The following CEP78 variants were observed in gnomAD, a reference collection of about 807,000 sequenced individuals.
The protein encoded by CEP78 is centrosomal protein 78.
A neutral mutation model predicts 81.2 loss-of-function variants in CEP78; 76 were observed. The observed-to-expected ratio is 0.94, with a 90% CI of 0.78 to 1.13. The LOEUF (loss-of-function observed/expected upper bound fraction) is 1.13, where lower values mean the gene tolerates loss of function less well. Ranked by LOEUF, CEP78 falls within the 50% of genes most tolerant of loss-of-function variation. The pLI, the probability that CEP78 is intolerant of heterozygous loss-of-function variation, is 0.00. For missense variants in CEP78, 918 were observed against 846.8 expected, an observed-to-expected ratio of 1.08 and a Z score of -1.04; for synonymous variants, 293 against 301.4, an observed-to-expected ratio of 0.97 and a Z score of 0.29.
In CEP78 at chr9:78,248,999, G is replaced by A. The variant is rs187555935; in HGVS notation, c.1069+126G>A. 1.5e-4 allele frequency: 66 copies of A among 425,954 alleles called. 2 individuals carry two copies. In the Admixed American group the frequency reaches 2.4e-3, roughly 16 times the overall value. The allele number at this position is 425,954 out of a possible 1,614,324, so 26.4% of individuals were successfully genotyped here. On this transcript the variant is annotated intron_variant, in intron 8 of 16. Coordinates refer to ENST00000643273, the MANE Select transcript of CEP78 (RefSeq NM_001330691.3). ...TGACTCCGTGCATATTATGAGGTCTGTAATTGTTCTGATAAGATTATGAGA... is the reference window on the plus strand; with the variant it reads ...TGACTCCGTGCATATTATGAGGTCTATAATTGTTCTGATAAGATTATGAGA...
intron 8 of CEP78, among the ~76,000 whole-genome samples, chr9:78,251,475 A>G (rs1049955244): frequency 6.6e-6 from 1 of 152,164 alleles, no homozygotes. Context: ...GGGTGTATCT[A>G]TGTTCTGTCC....
Position 78,239,972 on chromosome 9 carries a change from A to AT in CEP78, c.254-50dup, listed in dbSNP as rs1157495117. 12 of 1,430,636 alleles carry AT rather than the reference A, an allele frequency of 8.4e-6. No homozygotes were observed. The Admixed American group carries it at 3.3e-4, about 39-fold the overall frequency. 88.6% of individuals were successfully genotyped at this position (1,430,636 alleles called of 1,614,324 possible). A position where few individuals can be genotyped will look rare whatever the true frequency, so the allele number is the denominator to read the frequency against. ...CTTAGCACAGAGCAGATGTTTTTGA[A>AT]TGATACATTGTATGATTGAAGTCAC... On this transcript the variant is annotated intron_variant, in intron 1 of 16. Transcript: ENST00000643273.
chr9:78,242,716 GA>G (rs1257937705), intron 4 of CEP78, among the ~76,000 whole-genome samples: 2 of 152,086 alleles, frequency 1.3e-5, no homozygotes, highest in Non-Finnish European at 2.9e-5. Flanking sequence ...AATGTAATGA[GA>G]TTTTTTTTTC....
At chr9:78,252,948 T>C (rs902847467) in intron 9 of CEP78, among the ~76,000 whole-genome samples, 2 of 152,210 alleles carry the variant, frequency 1.3e-5, no homozygotes, top group African/African-American at 4.8e-5. Context: ...AGTTGTGAAT[T>C]AGAGAACAAT....
chr9:78,246,680 C>G lies in CEP78; in HGVS notation c.790C>G (p.Gln264Glu). 6.3e-7 allele frequency: 1 copy of G among 1,598,880 alleles called. No individual in the cohort carries two copies. The highest frequency in any genetic ancestry group is 8.5e-7 in the Non-Finnish European group (1 of 1,173,500). Residue 264 changes from glutamine (Q) to glutamate (E), a missense_variant, in exon 6 of 17, where the codon CAA becomes GAA. By Grantham distance (29) the Gln-to-Glu change is conservative. Transcript: ENST00000643273. Reference sequence around the variant, plus strand: ...TCTTTCATCGAAAGCTCTTGACCTGCAACAGTGCGGCCTCACCAATGAAGG... The same window carrying G: ...TCTTTCATCGAAAGCTCTTGACCTGGAACAGTGCGGCCTCACCAATGAAGG... ...EDLWLRALDL[Q>E]QCGLTNEGAK...
chr9:78,247,884 G>T (rs1287344106), intron 6 of CEP78, among the ~76,000 whole-genome samples: 2 of 152,178 alleles, frequency 1.3e-5, no homozygotes, highest in Non-Finnish European at 2.9e-5. Flanking sequence ...GGGTGGTACT[G>T]TTTATAGAGA....
chr9:78,255,007 A>G, intron 11 of CEP78, 43 bp downstream of exon 11: 3 of 1,553,476 alleles, frequency 1.9e-6, no homozygotes, highest in Non-Finnish European at 2.6e-6. Context: ...GATCATTTCA[A>G]ACTCTAGTTA....
chr9:78,250,441 TA>T (rs1221015387), intron 8 of CEP78: 6 of 376,438 alleles, frequency 1.6e-5, no homozygotes, highest in Non-Finnish European at 4.7e-6. Context: ...TGGTTTTAAT[TA>T]AAATTTATAT....
chr9:78,265,633 G>C (rs1827491075), intron 14 of CEP78, 90 bp downstream of exon 14: 1 of 1,251,916 alleles, frequency 8.0e-7, no homozygotes, highest in Admixed American at 2.5e-5. Flanking sequence ...AATGATCTGT[G>C]CACATGCTCA....
intron 13 of CEP78, among the ~76,000 whole-genome samples, chr9:78,264,679 A>G (rs1316585788): frequency 1.3e-5 from 2 of 151,402 alleles, no homozygotes; most frequent in African/African-American, 2.4e-5. Flanking sequence ...TAACTTGTAG[A>G]TAGAGTAATT....
chr9:78,250,095 T>C (rs1411488461), intron 8 of CEP78: 1 of 390,528 alleles, frequency 2.6e-6, no homozygotes, highest in Non-Finnish European at 4.5e-6. Context: ...GCTAGTGGTA[T>C]ATAATTGGAC....
rs781251521 is a variant in CEP78 at position 78,246,730 on chromosome 9, T to C, written c.840T>C (p.Leu280=). 24 of 1,611,388 alleles carry C rather than the reference T, an allele frequency of 1.5e-5. No individual in the cohort carries two copies. Among genetic ancestry groups the C allele is most frequent in the Non-Finnish European group, 3.4e-6 (4 of 1,178,840 alleles). ...GAGCAAAGGCTTTGCTAGAGGCCCT[T>C]GAAACCAATACAACTCTGGTCGTTC... ...NEGAKALLEA[L]ETNTTLVVLD... Residue 280 remains leucine (L), a synonymous_variant, in exon 6 of 17, where the codon CTT becomes CTC. Transcript: ENST00000643273.
Position 78,246,746 on chromosome 9 carries a change from C to G in CEP78, c.856C>G (p.Leu286Val). Residue 286 changes from leucine (L) to valine (V), a missense_variant, in exon 6 of 17, where the codon CTG becomes GTG. Coordinates refer to ENST00000643273, the MANE Select transcript of CEP78 (RefSeq NM_001330691.3). ...LLEALETNTT[L>V]VVLDIRKNPL... is the part of the protein sequence containing the mutation. ...AGAGGCCCTTGAAACCAATACAACT[C>G]TGGTCGTTCTGGATATAAGAAAAAA... 6.2e-7 allele frequency: 1 copy of G among 1,609,128 alleles called. No individual in the cohort carries two copies. The highest frequency in any genetic ancestry group is 8.5e-7 in the Non-Finnish European group (1 of 1,177,554).
chr9:78,274,523 A>G lies in CEP78; in HGVS notation c.*3672A>G, dbSNP rs992558448. The G allele has an allele frequency of 6.6e-6, 1 of 152,198 alleles. No individual in the cohort carries two copies. The highest frequency in any genetic ancestry group is 2.4e-5 in the African/African-American group (1 of 41,426). 9.4% of individuals were successfully genotyped at this position (152,198 alleles called of 1,614,324 possible). A position where few individuals can be genotyped will look rare whatever the true frequency, so the allele number is the denominator to read the frequency against. On this transcript the variant is annotated 3_prime_UTR_variant, in exon 17 of 17. Transcript: ENST00000643273. ...CTTAAAAAATTCATCCCTCTTGCCC[A>G]TCAGTAGATCAGGATATGAAGGATA...
rs1827824675 is a variant in CEP78 at position 78,277,317 on chromosome 9, C to G, written c.*6466C>G. The G allele has an allele frequency of 6.6e-6, 1 of 151,656 alleles. No individual in the cohort carries two copies. Among genetic ancestry groups the G allele is most frequent in the Non-Finnish European group, 1.5e-5 (1 of 67,904 alleles). 9.4% of individuals were successfully genotyped at this position (151,656 alleles called of 1,614,324 possible). A position where few individuals can be genotyped will look rare whatever the true frequency, so the allele number is the denominator to read the frequency against. On this transcript the variant is annotated 3_prime_UTR_variant, in exon 17 of 17. Coordinates refer to ENST00000643273, the MANE Select transcript of CEP78 (RefSeq NM_001330691.3). Reference sequence around the variant, plus strand: ...TTGACTACATTTTTAAAAAGTAAAACCTTTCACTTTTTACAAAACTTTGAT... The same window carrying G: ...TTGACTACATTTTTAAAAAGTAAAAGCTTTCACTTTTTACAAAACTTTGAT...
chr9:78,272,285 C>G lies in CEP78; in HGVS notation c.*1434C>G, dbSNP rs1827709845. 6.6e-6 allele frequency: 1 copy of G among 152,424 alleles called. No individual in the cohort carries two copies. Among genetic ancestry groups the G allele is most frequent in the African/African-American group, 2.4e-5 (1 of 41,440 alleles). The allele number at this position is 152,424 out of a possible 1,614,324, so 9.4% of individuals were successfully genotyped here. ...AAATGATCCTCCCACCTTGGCCTCC[C>G]AAAGTGCTGAGACTACAGACCTGAG... is the stretch of plus-strand genomic sequence containing the variant. On this transcript the variant is annotated 3_prime_UTR_variant, in exon 17 of 17. Transcript: ENST00000643273.
At chr9:78,254,716 GT>G (rs2118338966) in intron 10 of CEP78, 119 bp from the exon 11 acceptor site, 1 of 643,008 alleles carries the variant, frequency 1.6e-6, no homozygotes, top group East Asian at 3.0e-5. Flanking sequence ...AGACTAAGGA[GT>G]AGTGATAGAC....
intron 1 of CEP78, among the ~76,000 whole-genome samples, chr9:78,237,955 C>CA (rs557546978): frequency 0.063 from 6,702 of 106,026 alleles, 355 homozygotes; most frequent in Admixed American, 0.14. Context: ...ACTAAAAATA[C>CA]AAAAAAAAAA....
rs1368753078 is a variant in CEP78 at position 78,246,930 on chromosome 9, A to G, written c.892+148A>G. On this transcript the variant is annotated intron_variant, in intron 6 of 16. Transcript: ENST00000643273. ...CACTTTCTTATGTTTTTAGTAGATA[A>G]TTTACTGATGAAAAGAGTTGTACTT... 16 of 511,338 alleles carry G rather than the reference A, an allele frequency of 3.1e-5. 1 individual carries two copies. Among genetic ancestry groups the G allele is most frequent in the Non-Finnish European group, 1.4e-5 (4 of 291,212 alleles). The allele number at this position is 511,338 out of a possible 1,614,324, so 31.7% of individuals were successfully genotyped here.
Sources: allele counts gnomAD v4.1 joint callset (sites outside exome capture counted in the v4.1 genomes callset), GRCh38; gene constraint gnomAD v4.1.1; transcripts MANE v1.5; gene names NCBI Gene and HGNC (gene_info 2026-07-23, HGNC 2026-07-21).